CLVS1: variants seen among roughly 807,000 people sequenced by gnomAD.
The protein encoded by CLVS1 is clavesin 1.
Under a neutral mutation model 33.1 loss-of-function variants are expected in CLVS1, and 10 were observed. That is an observed-to-expected ratio of 0.30 (90% CI 0.19 to 0.51). The LOEUF (loss-of-function observed/expected upper bound fraction) is 0.51. CLVS1 is among the 20% of genes least tolerant of loss of function. CLVS1 has a pLI of 0.97. For synonymous variants in CLVS1, 163 were observed against 166.1 expected, an observed-to-expected ratio of 0.98 and a Z score of 0.14; for missense variants, 343 against 433.4, an observed-to-expected ratio of 0.79 and a Z score of 1.85.
intron 1 of CLVS1, among the ~76,000 whole-genome samples, chr8:61,296,996 G>A (rs922664973): frequency 5.9e-5 from 9 of 152,108 alleles, no homozygotes; most frequent in Non-Finnish European, 1.0e-4. Flanking sequence ...GGTTTCCTGC[G>A]GAAATGAGTT....
At chr8:61,135,843 T>A (rs1356332613) in intron 2 of CLVS1, among the ~76,000 whole-genome samples, 1 of 152,198 alleles carries the variant, frequency 6.6e-6, no homozygotes, top group Non-Finnish European at 1.5e-5. Context: ...TAGAGATGCA[T>A]TCGCCTTGGT....
At chr8:61,039,564 G>T in the CLVS1 span, among the ~76,000 whole-genome samples, 1 of 151,480 alleles carries the variant, frequency 6.6e-6, no homozygotes, top group Non-Finnish European at 1.5e-5. Context: ...TTTTTCAGAG[G>T]CAGGGTCTTG....
chr8:61,118,995 G>A (rs1256230840), intron 1 of CLVS1, among the ~76,000 whole-genome samples: 1 of 152,172 alleles, frequency 6.6e-6, no homozygotes. Context: ...CATTATTAAT[G>A]TGTGGGAGTC....
At chr8:60,992,810 G>A in the CLVS1 span, among the ~76,000 whole-genome samples, 1 of 152,298 alleles carries the variant, frequency 6.6e-6, no homozygotes, top group South Asian at 2.1e-4. Flanking sequence ...CATGACCCGT[G>A]AGGCAGGGAG....
intron 3 of CLVS1, among the ~76,000 whole-genome samples, chr8:61,408,276 G>A (rs983326012): frequency 7.2e-5 from 11 of 152,236 alleles, no homozygotes; most frequent in Non-Finnish European, 1.3e-4. Flanking sequence ...TGAAATTTGA[G>A]CTTAGCCCTA....
intron 3 of CLVS1, among the ~76,000 whole-genome samples, chr8:61,409,832 A>C (rs1275955665): frequency 1.3e-5 from 2 of 152,202 alleles, no homozygotes; most frequent in Non-Finnish European, 2.9e-5. Flanking sequence ...CTGATAGATG[A>C]AAAATGTCAC....
intron 3 of CLVS1, among the ~76,000 whole-genome samples, chr8:61,450,970 G>T (rs1478000579): frequency 1.3e-5 from 2 of 152,124 alleles, no homozygotes; most frequent in East Asian, 3.8e-4. Context: ...TAAGAGCTTA[G>T]GTATGATTCT....
intron 2 of CLVS1, among the ~76,000 whole-genome samples, chr8:61,323,694 A>G (rs1811277656): frequency 6.6e-6 from 1 of 151,454 alleles, no homozygotes; most frequent in Non-Finnish European, 1.5e-5. Context: ...TTACAAGTGT[A>G]GCTTTGTTAC....
At chr8:61,165,920 A>C (rs536304532) in intron 2 of CLVS1, among the ~76,000 whole-genome samples, 1 of 152,156 alleles carries the variant, frequency 6.6e-6, no homozygotes, top group Non-Finnish European at 1.5e-5. Flanking sequence ...CAATGGAAAC[A>C]TACATGTTAT....
intron 1 of CLVS1, among the ~76,000 whole-genome samples, chr8:61,078,671 C>T (rs1324942585): frequency 1.3e-5 from 2 of 152,094 alleles, no homozygotes; most frequent in South Asian, 2.1e-4. Flanking sequence ...TGTTCCTTCT[C>T]TTATTTTTGG....
At chr8:60,989,498 T>G in the CLVS1 span, among the ~76,000 whole-genome samples, 1 of 152,208 alleles carries the variant, frequency 6.6e-6, no homozygotes, top group Non-Finnish European at 1.5e-5. Context: ...CCACAAGTGT[T>G]GTTGATTCCA....
chr8:61,486,610 T>C (rs1054167915), intron 5 of CLVS1, among the ~76,000 whole-genome samples: 3 of 152,004 alleles, frequency 2.0e-5, no homozygotes, highest in African/African-American at 7.3e-5. Flanking sequence ...AATGGAGGAG[T>C]TGAGGAGGTA....
At chr8:61,024,138 C>A in the CLVS1 span, among the ~76,000 whole-genome samples, 325 of 152,264 alleles carry the variant, frequency 2.1e-3, 2 homozygotes, top group African/African-American at 7.7e-3. Flanking sequence ...CAGGGAAAGA[C>A]AATGATAAAT....
intron 5 of CLVS1, among the ~76,000 whole-genome samples, chr8:61,497,155 T>G (rs1405198015): frequency 6.6e-6 from 1 of 152,148 alleles, no homozygotes. Flanking sequence ...CTGTATTTGA[T>G]AATTTTGATA....
At chr8:61,403,665 A>T (rs1002206580) in intron 3 of CLVS1, among the ~76,000 whole-genome samples, 1 of 152,296 alleles carries the variant, frequency 6.6e-6, no homozygotes, top group East Asian at 1.9e-4. Flanking sequence ...CTGGAAAAGG[A>T]TGGGGACAAG....
the CLVS1 span, among the ~76,000 whole-genome samples, chr8:61,004,973 C>A: frequency 1.3e-5 from 2 of 151,664 alleles, no homozygotes; most frequent in African/African-American, 2.4e-5. Context: ...AAAACAAAAC[C>A]CTCCTTCTTA....
At chr8:61,202,255 C>T in intron 2 of CLVS1, 1 of 546,298 alleles carries the variant, frequency 1.8e-6, no homozygotes, top group East Asian at 3.3e-5. Context: ...TAAGAATGTC[C>T]CCTGGTGTGA....
intron 1 of CLVS1, among the ~76,000 whole-genome samples, chr8:61,298,580 C>G (rs544055787): frequency 6.6e-6 from 1 of 152,088 alleles, no homozygotes; most frequent in African/African-American, 2.4e-5. Context: ...AAAGCATTAC[C>G]AATAATGATT....
intron 2 of CLVS1, among the ~76,000 whole-genome samples, chr8:61,321,935 CT>C (rs1388776334): frequency 2.0e-5 from 3 of 152,140 alleles, no homozygotes; most frequent in Non-Finnish European, 4.4e-5. Context: ...CCAGATTCCC[CT>C]GATGCTATTT....
Sources: gnomAD v4.1 joint callset for allele counts (sites outside exome capture counted in the v4.1 genomes callset) on GRCh38, gnomAD v4.1.1 for gene constraint, MANE v1.5 for transcripts, NCBI Gene and HGNC (gene_info 2026-07-23, HGNC 2026-07-21) for gene names.